The following SGSM1 variants were observed in gnomAD, a reference collection of about 807,000 sequenced individuals.
SGSM1 encodes the protein small G protein signaling modulator 1.
Under a neutral mutation model 133.8 loss-of-function variants are expected in SGSM1, and 73 were observed. The ratio of observed to expected loss-of-function variants is 0.55; its 90% CI spans 0.45 to 0.66. The LOEUF is 0.66. Among genes scored for constraint, SGSM1 ranks in the 30% least tolerant of loss-of-function variants. The pLI, the probability that SGSM1 is intolerant of heterozygous loss-of-function variation, is 0.00. For missense variants in SGSM1, 1,213 were observed against 1,448.1 expected, an observed-to-expected ratio of 0.84 and a Z score of 2.64; for synonymous variants, 563 against 573.0, an observed-to-expected ratio of 0.98 and a Z score of 0.25.
Position 24,893,598 on chromosome 22 carries a change from AACC to A in SGSM1, c.1940_1942del (p.Thr647del). The A allele has an allele frequency of 6.3e-7, 1 of 1,575,802 alleles. No individual in the cohort carries two copies. Among genetic ancestry groups the A allele is most frequent in the Non-Finnish European group, 8.6e-7 (1 of 1,162,064 alleles). ...TGCACCGGATGTTGCACAGGGACTCAACCATCAGCAATGAGGTGATGGGCGGCT... is the reference window on the plus strand; with the variant it reads ...TGCACCGGATGTTGCACAGGGACTCAATCAGCAATGAGGTGATGGGCGGCT... On this transcript the variant is annotated inframe_deletion, in exon 17 of 25. Coordinates refer to ENST00000400358, the MANE Select transcript of SGSM1 (RefSeq NM_001098497.3).
chr22:24,818,924 A>C (rs963791735), intron 2 of SGSM1, among the ~76,000 whole-genome samples: 1 of 151,844 alleles, frequency 6.6e-6, no homozygotes, highest in African/African-American at 2.4e-5. Flanking sequence ...AGGCGGGCGG[A>C]TCATGAGGTC....
rs201283847 is a variant in SGSM1, at chr22:24,845,946, TTTCTTTCTTTCTTTC to T, written c.139+977_139+991del. Among the ~76,000 whole-genome samples the T allele has an allele frequency of 2.3e-3, 90 of 39,392 alleles. 1 individual carries two copies. In the East Asian group the frequency reaches 0.025, roughly 11 times the overall value. The allele number at this position is 39,392 out of a possible 152,430, so 25.8% of individuals were successfully genotyped here. A position where few individuals can be genotyped will look rare whatever the true frequency, so the allele number is the denominator to read the frequency against. ...AAGATCTTTCTTTTCTTTTCTTTTC[TTTCTTTCTTTCTTTC>T]TTTCTTTCTTTCTTTCTTTCTTTCT... On this transcript the variant is annotated intron_variant, in intron 3 of 24. Transcript: ENST00000400358.
chr22:24,895,291 G>A lies in SGSM1; in HGVS notation c.2022G>A (p.Gln674=). The change falls in exon 18 of 25, where the codon CAG becomes CAA. Residue 674 remains glutamine (Q), a splice_region_variant and synonymous_variant. Coordinates refer to ENST00000400358, the MANE Select transcript of SGSM1 (RefSeq NM_001098497.3). Reference sequence around the variant, plus strand: ...ACAGCGACTCCAGCAGCAGCACACAGGTGACCTTGTGGAGGCCTCGCCCCC... The same window carrying A: ...ACAGCGACTCCAGCAGCAGCACACAAGTGACCTTGTGGAGGCCTCGCCCCC... ...RLHSDSSSST[Q]VFESVDEVEQ... 6.2e-7 allele frequency: 1 copy of A among 1,610,648 alleles called. No homozygotes were observed. The highest frequency in any genetic ancestry group is 8.5e-7 in the Non-Finnish European group (1 of 1,178,622).
At chr22:24,851,154 G>A (rs16979078) in intron 5 of SGSM1, among the ~76,000 whole-genome samples, 3,206 of 151,258 alleles carry the variant, frequency 0.021, 59 homozygotes, top group East Asian at 0.088. Flanking sequence ...CCTTTTTAAC[G>A]TTTTCTCCAC....
chr22:24,815,164 A>G (rs1927993597), intron 2 of SGSM1, among the ~76,000 whole-genome samples: 1 of 152,226 alleles, frequency 6.6e-6, no homozygotes, highest in Non-Finnish European at 1.5e-5. Context: ...TGCAAAGAAC[A>G]GTAACAGTTC....
At chr22:24,885,733 T>G (rs1433147964) in intron 15 of SGSM1, among the ~76,000 whole-genome samples, 2 of 152,340 alleles carry the variant, frequency 1.3e-5, no homozygotes, top group South Asian at 4.1e-4. Flanking sequence ...AACACCTTTT[T>G]ATGTGGGTCC....
chr22:24,891,309 A>G (rs754637208), intron 16 of SGSM1, among the ~76,000 whole-genome samples: 1 of 152,162 alleles, frequency 6.6e-6, no homozygotes, highest in Non-Finnish European at 1.5e-5. Flanking sequence ...GCAGCGAGCT[A>G]TGATTGTGCC....
At chr22:24,875,501 C>T (rs1853937654) in intron 12 of SGSM1, among the ~76,000 whole-genome samples, 1 of 151,972 alleles carries the variant, frequency 6.6e-6, no homozygotes, top group African/African-American at 2.4e-5. Context: ...TACTAGCTGT[C>T]CCTTTACAGA....
chr22:24,825,890 A>G (rs1253051146), intron 2 of SGSM1, among the ~76,000 whole-genome samples: 2 of 152,090 alleles, frequency 1.3e-5, no homozygotes, highest in Non-Finnish European at 2.9e-5. Flanking sequence ...TACTTACTCC[A>G]TCTCAACCAC....
intron 5 of SGSM1, among the ~76,000 whole-genome samples, chr22:24,853,052 G>C (rs1930573475): frequency 6.6e-6 from 1 of 152,202 alleles, no homozygotes; most frequent in African/African-American, 2.4e-5. Flanking sequence ...ATGTAAGCAA[G>C]TTGTCATTTA....
intron 16 of SGSM1, 103 bp downstream of exon 16, chr22:24,886,831 G>A: frequency 7.2e-7 from 1 of 1,385,084 alleles, no homozygotes; most frequent in Non-Finnish European, 9.6e-7. Flanking sequence ...GAAGGGGAGG[G>A]AGATACGGGG....
chr22:24,865,480 G>A (rs1569154280), intron 9 of SGSM1, among the ~76,000 whole-genome samples: 1 of 152,174 alleles, frequency 6.6e-6, no homozygotes. Context: ...AAAGAGAAAA[G>A]GTCCCCAGCA....
chr22:24,866,412 C>T (rs1931461726), intron 9 of SGSM1, among the ~76,000 whole-genome samples: 1 of 152,298 alleles, frequency 6.6e-6, no homozygotes, highest in African/African-American at 2.4e-5. Flanking sequence ...CGCGTGGACA[C>T]ATAGTGGCCT....
At chr22:24,918,220 ATGGGCCGGGTGCAG>A (rs1933889413) in intron 23 of SGSM1, among the ~76,000 whole-genome samples, 1 of 152,140 alleles carries the variant, frequency 6.6e-6, no homozygotes, top group Non-Finnish European at 1.5e-5. Context: ...AGTATCTGAC[ATGGGCCGGGTGCAG>A]TGGCTCATGC....
intron 20 of SGSM1, among the ~76,000 whole-genome samples, chr22:24,904,133 C>T (rs1376762923): frequency 6.6e-6 from 1 of 152,084 alleles, no homozygotes; most frequent in Non-Finnish European, 1.5e-5. Flanking sequence ...ATGTCATTTA[C>T]CTGTCTATGC....
At chr22:24,890,681 C>T (rs941201940) in intron 16 of SGSM1, among the ~76,000 whole-genome samples, 6 of 152,166 alleles carry the variant, frequency 3.9e-5, no homozygotes, top group Non-Finnish European at 7.3e-5. Context: ...GCTGGGACTA[C>T]AGGCACCTGC....
chr22:24,818,086 G>T (rs1928218812), intron 2 of SGSM1, among the ~76,000 whole-genome samples: 1 of 105,354 alleles, frequency 9.5e-6, no homozygotes, highest in Admixed American at 8.7e-5. Context: ...ACAAAAATTA[G>T]CCGGGCGTGG....
intron 21 of SGSM1, among the ~76,000 whole-genome samples, chr22:24,906,843 T>G (rs1259716808): frequency 6.6e-6 from 1 of 152,040 alleles, no homozygotes; most frequent in Non-Finnish European, 1.5e-5. Context: ...TCCAGTTACT[T>G]GGGAGGCTGA....
At chr22:24,852,856 G>C (rs1488137023) in intron 5 of SGSM1, among the ~76,000 whole-genome samples, 1 of 152,130 alleles carries the variant, frequency 6.6e-6, no homozygotes, top group Non-Finnish European at 1.5e-5. Context: ...AAAGTGAAAA[G>C]TGTTTTGATG....
Sources: allele counts gnomAD v4.1 joint callset (sites outside exome capture counted in the v4.1 genomes callset), GRCh38; gene constraint gnomAD v4.1.1; transcripts MANE v1.5; gene names NCBI Gene and HGNC (gene_info 2026-07-23, HGNC 2026-07-21).